MGST1: variants seen among roughly 807,000 people sequenced by gnomAD.
MGST1 encodes the protein microsomal glutathione S-transferase 1.
A neutral mutation model predicts 8.9 loss-of-function variants in MGST1; 5 were observed. The ratio of observed to expected loss-of-function variants is 0.56; its 90% CI spans 0.29 to 1.19. The LOEUF is 1.19. Ranked by LOEUF, MGST1 falls within the 50% of genes most tolerant of loss-of-function variation. The probability of loss-of-function intolerance (pLI) is 0.08; values close to 1 mark genes in which losing one functional copy is unlikely to be tolerated. For synonymous variants in MGST1, 54 were observed against 67.8 expected, an observed-to-expected ratio of 0.80 and a Z score of 1.00; for missense variants, 182 against 187.4, an observed-to-expected ratio of 0.97 and a Z score of 0.17.
chr12:16,483,104 T>G (rs1591741850), intron 4 of MGST1, among the ~76,000 whole-genome samples: 1 of 152,296 alleles, frequency 6.6e-6, no homozygotes, highest in African/African-American at 2.4e-5. Context: ...AGATGCCAGG[T>G]TTGTTTACCA....
At position 16,397,097 on chromosome 12, in the gene MGST1, G is replaced by A. The variant is rs945432995; in HGVS notation, n.778+13493G>A. On this transcript the variant is annotated intron_variant and non_coding_transcript_variant, in intron 1 of 1. Coordinates refer to the MGST1 transcript ENST00000359720. ...AAATAGACACATACACCAATGGAAC[G>A]GAACAGAAAACCCACCAGTAAACCC... 4.6e-5 allele frequency among the ~76,000 whole-genome samples: 7 copies of A among 152,026 alleles called. 1 individual carries two copies. The highest frequency in any genetic ancestry group is 7.4e-5 in the Non-Finnish European group (5 of 67,968).
chr12:16,495,589 T>C, intron 4 of MGST1, among the ~76,000 whole-genome samples: 1 of 152,094 alleles, frequency 6.6e-6, no homozygotes, highest in East Asian at 1.9e-4. Flanking sequence ...CAATGCATTT[T>C]CAGTCTAAGA....
At chr12:16,388,819 T>A (rs1356330089) in intron 1 of MGST1, among the ~76,000 whole-genome samples, 1 of 152,126 alleles carries the variant, frequency 6.6e-6, no homozygotes, top group Non-Finnish European at 1.5e-5. Flanking sequence ...TAAGGCAGCT[T>A]TAGGAGACTT....
At chr12:16,405,626 G>A (rs563238691) in intron 1 of MGST1, among the ~76,000 whole-genome samples, 44 of 152,054 alleles carry the variant, frequency 2.9e-4, no homozygotes, top group Admixed American at 1.2e-3. Flanking sequence ...TAAACCTCAC[G>A]CCAATATCCT....
At chr12:16,385,430 A>G (rs904210841) in intron 1 of MGST1, among the ~76,000 whole-genome samples, 1 of 126,850 alleles carries the variant, frequency 7.9e-6, no homozygotes, top group Non-Finnish European at 1.7e-5. Context: ...ATTTGTGTGC[A>G]TGAATTGTAT....
chr12:16,490,819 G>A (rs778909552), intron 4 of MGST1, among the ~76,000 whole-genome samples: 4 of 151,946 alleles, frequency 2.6e-5, no homozygotes, highest in East Asian at 1.9e-4. Flanking sequence ...CATCCATCCC[G>A]GGACACATGA....
At chr12:16,461,180 G>GGA (rs1941216197) in intron 4 of MGST1, among the ~76,000 whole-genome samples, 1 of 145,742 alleles carries the variant, frequency 6.9e-6, no homozygotes, top group South Asian at 2.1e-4. Flanking sequence ...ATGCCCAAAG[G>GGA]AAAAAAAAAA....
chr12:16,509,432 G>T (rs1219865819), intron 4 of MGST1, among the ~76,000 whole-genome samples: 3 of 152,096 alleles, frequency 2.0e-5, no homozygotes, highest in African/African-American at 7.2e-5. Flanking sequence ...AGAAACCACT[G>T]CATAGTCTTA....
intron 2 of MGST1, 87 bp from the exon 3 acceptor site, chr12:16,357,518 A>T: frequency 1.0e-6 from 1 of 967,120 alleles, no homozygotes; most frequent in South Asian, 1.7e-5. Flanking sequence ...ATCCTGCCTC[A>T]GCCTCACAAA....
chr12:16,536,796 C>T (rs1258768116), intron 4 of MGST1, among the ~76,000 whole-genome samples: 1 of 152,184 alleles, frequency 6.6e-6, no homozygotes, highest in African/African-American at 2.4e-5. Context: ...ATGGGGGAAA[C>T]TACCCTCATG....
At chr12:16,448,970 A>G (rs951283401) in intron 4 of MGST1, among the ~76,000 whole-genome samples, 1 of 151,998 alleles carries the variant, frequency 6.6e-6, no homozygotes, top group African/African-American at 2.4e-5. Flanking sequence ...TGAGCTAACA[A>G]TGACAAGAAT....
intron 4 of MGST1, among the ~76,000 whole-genome samples, chr12:16,447,374 G>A (rs866919811): frequency 9.9e-5 from 15 of 152,024 alleles, no homozygotes; most frequent in African/African-American, 3.4e-4. Flanking sequence ...TTAACCCAAA[G>A]TTTGGGCCTG....
chr12:16,443,677 G>T (rs1162625550), downstream of MGST1, among the ~76,000 whole-genome samples: 1 of 151,772 alleles, frequency 6.6e-6, no homozygotes, highest in East Asian at 1.9e-4. Context: ...GCATTTAATT[G>T]TAATGGAAGA....
At chr12:16,499,981 A>T (rs1941495175) in intron 4 of MGST1, among the ~76,000 whole-genome samples, 1 of 152,222 alleles carries the variant, frequency 6.6e-6, no homozygotes, top group South Asian at 2.1e-4. Context: ...GATGAAAAAA[A>T]GTGTTTGGTG....
rs747336376 is a variant in MGST1 at position 16,451,730 on chromosome 12, G to A, written n.482+68126G>A. The stretch of plus-strand genomic sequence containing the variant: ...CTTATTGCTCTTATAAATCTTTGTG[G>A]TTATGTGACAATGATTCATGTAATA... On this transcript the variant is annotated intron_variant and non_coding_transcript_variant, in intron 4 of 4. Transcript: ENST00000538857. Among the ~76,000 whole-genome samples the A allele has an allele frequency of 2.6e-5, 4 of 151,726 alleles. No homozygotes were observed. The East Asian group carries it at 7.8e-4, about 30-fold the overall frequency.
chr12:16,496,850 A>C (rs1941473869), intron 4 of MGST1, among the ~76,000 whole-genome samples: 1 of 152,188 alleles, frequency 6.6e-6, no homozygotes, highest in Non-Finnish European at 1.5e-5. Flanking sequence ...AATGCTGATA[A>C]CAGGAAAAAA....
Position 16,584,238 on chromosome 12 carries a change from T to A in MGST1, n.483-5290T>A, listed in dbSNP as rs141646009. ...TTTTAGTAGTGAGTGGGGAGAGTTA[T>A]GTGTATCTAAGATTGCCAGTTTCTC... On this transcript the variant is annotated intron_variant and non_coding_transcript_variant, in intron 4 of 4. Coordinates refer to the MGST1 transcript ENST00000538857. The surrounding 1 kb of genome is among the most constrained non-coding windows in gnomAD (Gnocchi z 5.2). Among the ~76,000 whole-genome samples, 229 of 152,260 alleles carry A rather than the reference T, an allele frequency of 1.5e-3. No individual in the cohort carries two copies. Among genetic ancestry groups the A allele is most frequent in the African/African-American group, 5.0e-3 (206 of 41,560 alleles).
At chr12:16,485,656 A>G (rs1941395040) in intron 4 of MGST1, among the ~76,000 whole-genome samples, 1 of 152,212 alleles carries the variant, frequency 6.6e-6, no homozygotes, top group African/African-American at 2.4e-5. Context: ...ATCTCTAGGC[A>G]AACAATTTAT....
At position 16,527,355 on chromosome 12, in the gene MGST1, A is replaced by G. The variant is rs554997305; in HGVS notation, n.483-62173A>G. Among the ~76,000 whole-genome samples, 4 of 152,210 alleles carry G rather than the reference A, an allele frequency of 2.6e-5. No individual in the cohort carries two copies. In the South Asian group the frequency reaches 8.3e-4, roughly 32 times the overall value. Reference sequence around the variant, plus strand: ...AGGATTCTGTAATTAATTTCAAATCATATAAACTTAATAGCCATTATGTCT... The same window carrying G: ...AGGATTCTGTAATTAATTTCAAATCGTATAAACTTAATAGCCATTATGTCT... On this transcript the variant is annotated intron_variant and non_coding_transcript_variant, in intron 4 of 4. Coordinates refer to the MGST1 transcript ENST00000538857.
Sources: allele counts gnomAD v4.1 joint callset (sites outside exome capture counted in the v4.1 genomes callset), GRCh38; gene constraint gnomAD v4.1.1; non-coding constraint Gnocchi (gnomAD v3.1); transcripts MANE v1.5; gene names NCBI Gene and HGNC (gene_info 2026-07-23, HGNC 2026-07-21).